ARHGAP19: variants seen among roughly 807,000 people sequenced by gnomAD.
The protein encoded by ARHGAP19 is rho GTPase-activating protein 19.
ARHGAP19 carries 48 observed loss-of-function variants against 60.9 expected under a neutral mutation model. The observed-to-expected ratio is 0.79, with a 90% CI of 0.62 to 1.00. The LOEUF is 1.00. Among genes scored for constraint, ARHGAP19 ranks in the 50% least tolerant of loss-of-function variants. ARHGAP19 has a pLI of 0.00. For synonymous variants in ARHGAP19, 209 were observed against 215.5 expected, an observed-to-expected ratio of 0.97 and a Z score of 0.27; for missense variants, 562 against 597.2, an observed-to-expected ratio of 0.94 and a Z score of 0.61.
intron 5 of ARHGAP19, among the ~76,000 whole-genome samples, chr10:97,256,706 A>G (rs942389090): frequency 2.0e-5 from 3 of 152,222 alleles, no homozygotes; most frequent in Admixed American, 1.3e-4. Context: ...AAATGGGCAG[A>G]AAAAAACAGA....
At chr10:97,240,744 A>C (rs1842466189) in intron 8 of ARHGAP19, among the ~76,000 whole-genome samples, 1 of 152,246 alleles carries the variant, frequency 6.6e-6, no homozygotes, top group South Asian at 2.1e-4. Flanking sequence ...AAAGGGTAGA[A>C]TATAAAACAA....
At chr10:97,273,546 T>C (rs2134905849) in intron 1 of ARHGAP19, among the ~76,000 whole-genome samples, 1 of 140,758 alleles carries the variant, frequency 7.1e-6, no homozygotes, top group African/African-American at 2.6e-5. Context: ...TGGAGTACAG[T>C]GGCACTATCC....
intron 5 of ARHGAP19, among the ~76,000 whole-genome samples, 153 bp downstream of exon 5, chr10:97,259,249 A>G (rs772781815): frequency 3.3e-5 from 5 of 152,226 alleles, no homozygotes; most frequent in Non-Finnish European, 5.9e-5. Context: ...CTCAGGTCTG[A>G]TGACTCTTCA....
At chr10:97,245,880 A>ACCAT (rs1315953128) in intron 7 of ARHGAP19, among the ~76,000 whole-genome samples, 1 of 152,184 alleles carries the variant, frequency 6.6e-6, no homozygotes, top group East Asian at 1.9e-4. Flanking sequence ...CACAGAGGAC[A>ACCAT]CCATCTATCA....
chr10:97,289,561 C>T (rs1038124081), intron 1 of ARHGAP19, among the ~76,000 whole-genome samples: 2 of 152,052 alleles, frequency 1.3e-5, no homozygotes, highest in East Asian at 1.9e-4. Flanking sequence ...TCAGGCCAGG[C>T]GCAGTGGCTG....
At chr10:97,290,439 C>T (rs973576948) in intron 1 of ARHGAP19, among the ~76,000 whole-genome samples, 7 of 152,200 alleles carry the variant, frequency 4.6e-5, no homozygotes, top group Admixed American at 3.3e-4. Flanking sequence ...CTGGGTTCCA[C>T]GGTTCTCTTC....
At chr10:97,268,127 ATC>A (rs1164410883) in intron 1 of ARHGAP19, among the ~76,000 whole-genome samples, 1 of 152,124 alleles carries the variant, frequency 6.6e-6, no homozygotes, top group Non-Finnish European at 1.5e-5. Flanking sequence ...CACCTAAATC[ATC>A]TCTCTCAAGT....
rs200669102 is a variant in ARHGAP19 at position 97,264,829 on chromosome 10, T to G, written c.400A>C (p.Lys134Gln). The change falls in exon 3 of 12, where the codon AAA becomes CAA. Residue 134 changes from lysine (K) to glutamine (Q), a missense_variant. Transcript: ENST00000358531. ...ATAAAATTTCAAGTAGTCTTACTTT[T>G]GTGTAGATACTCAATCAGTTGGTAT... ...QIYQLIEYLH[K>Q]NLRVEGLFRV... 6.2e-7 allele frequency: 1 copy of G among 1,608,348 alleles called. No homozygotes were observed. Among genetic ancestry groups the G allele is most frequent in the Non-Finnish European group, 8.5e-7 (1 of 1,175,442 alleles).
intron 6 of ARHGAP19, 93 bp downstream of exon 6, chr10:97,256,225 T>C: frequency 9.6e-7 from 1 of 1,043,568 alleles, no homozygotes; most frequent in Non-Finnish European, 1.5e-6. Flanking sequence ...CAGGACCTTT[T>C]TCTCGTTTAG....
chr10:97,260,709 C>T (rs892279902), intron 4 of ARHGAP19, among the ~76,000 whole-genome samples: 1 of 151,718 alleles, frequency 6.6e-6, no homozygotes, highest in Non-Finnish European at 1.5e-5. Context: ...ATGATATAAC[C>T]ACTTAGAAAA....
rs1038156975 is a variant in ARHGAP19 at position 97,289,863 on chromosome 10, AAAAG to A, written c.56+2705_56+2708del. Among the ~76,000 whole-genome samples the A allele has an allele frequency of 5.9e-4, 89 of 151,908 alleles. 3 individuals carry two copies. Among genetic ancestry groups the A allele is most frequent in the African/African-American group, 1.7e-3 (70 of 41,432 alleles). On this transcript the variant is annotated intron_variant, in intron 1 of 11. Transcript: ENST00000358531. ...AAGGAGCCCTGTGTTAAAAAAAAAA[AAAAG>A]AAAGAAAGAAAGAAAAGAAAAAGAA...
intron 8 of ARHGAP19, among the ~76,000 whole-genome samples, chr10:97,240,205 T>A (rs952990347): frequency 2.6e-5 from 4 of 151,026 alleles, no homozygotes; most frequent in African/African-American, 9.7e-5. Context: ...GCCAAAAAAA[T>A]AATGCATATT....
At position 97,235,204 on chromosome 10, in the gene ARHGAP19, C is replaced by T; in HGVS notation, c.1284+13G>A. 1 of 1,590,542 alleles carries T rather than the reference C, an allele frequency of 6.3e-7. No individual in the cohort carries two copies. The highest frequency in any genetic ancestry group is 8.6e-7 in the Non-Finnish European group (1 of 1,162,460). On this transcript the variant is annotated intron_variant, in intron 9 of 11. Coordinates refer to ENST00000358531, the MANE Select transcript of ARHGAP19 (RefSeq NM_032900.6). Reference sequence around the variant, plus strand: ...AAAAATCAATGCTGAAAACGACAGCCCAGCATACCTACCTTAATAAGCCCA... The same window carrying T: ...AAAAATCAATGCTGAAAACGACAGCTCAGCATACCTACCTTAATAAGCCCA...
chr10:97,290,430 T>C (rs924877963), intron 1 of ARHGAP19, among the ~76,000 whole-genome samples: 1 of 152,218 alleles, frequency 6.6e-6, no homozygotes, highest in Non-Finnish European at 1.5e-5. Flanking sequence ...CACCAGTCAC[T>C]GGGTTCCACG....
At chr10:97,233,008 G>C (rs1174409457) in intron 9 of ARHGAP19, among the ~76,000 whole-genome samples, 1 of 152,050 alleles carries the variant, frequency 6.6e-6, no homozygotes, top group Non-Finnish European at 1.5e-5. Context: ...AATTAGCCGG[G>C]CATGGTGGTG....
chr10:97,249,935 C>T (rs1279985942), intron 6 of ARHGAP19, among the ~76,000 whole-genome samples: 1 of 151,784 alleles, frequency 6.6e-6, no homozygotes, highest in African/African-American at 2.4e-5. Context: ...CAGGGGCCTG[C>T]CACCGCGCCT....
At chr10:97,255,503 G>T (rs2134869561) in intron 6 of ARHGAP19, among the ~76,000 whole-genome samples, 1 of 152,218 alleles carries the variant, frequency 6.6e-6, no homozygotes, top group South Asian at 2.1e-4. Context: ...CTTGATCCCA[G>T]AAGGTTGAGG....
At chr10:97,286,279 T>C (rs1843153814) in intron 1 of ARHGAP19, among the ~76,000 whole-genome samples, 1 of 152,182 alleles carries the variant, frequency 6.6e-6, no homozygotes, top group African/African-American at 2.4e-5. Context: ...ACTGTCTTAT[T>C]ACAGAAAAAG....
At position 97,274,580 on chromosome 10, in the gene ARHGAP19, G is replaced by A. The variant is rs576271816; in HGVS notation, c.57-8455C>T. On this transcript the variant is annotated intron_variant, in intron 1 of 11. Transcript: ENST00000358531. ...TGGCAAAATGTTAAGATTTGCTAAA[G>A]CTGGGTAATGGGAAGAATACTGATT... 4.6e-5 allele frequency among the ~76,000 whole-genome samples: 7 copies of A among 152,294 alleles called. No individual in the cohort carries two copies. In the East Asian group the frequency reaches 1.3e-3, roughly 29 times the overall value.
Sources: allele counts gnomAD v4.1 joint callset (sites outside exome capture counted in the v4.1 genomes callset), GRCh38; gene constraint gnomAD v4.1.1; transcripts MANE v1.5; gene names NCBI Gene and HGNC (gene_info 2026-07-23, HGNC 2026-07-21).